ACTN4: variants seen among roughly 807,000 people sequenced by gnomAD.
ACTN4 encodes actinin alpha 4, also known as alpha-actinin-4.
ACTN4 carries 18 observed loss-of-function variants against 114.2 expected under a neutral mutation model. The ratio of observed to expected loss-of-function variants is 0.16; its 90% CI spans 0.11 to 0.23. ACTN4 has a LOEUF of 0.23. ACTN4 is among the 10% of genes least tolerant of loss of function. The pLI, the probability that ACTN4 is intolerant of heterozygous loss-of-function variation, is 1.00. For missense variants in ACTN4, 722 were observed against 1,262.9 expected (o/e 0.57, Z 6.49); for synonymous variants, 515 against 506.3 (o/e 1.02, Z -0.23).
chr19:38,729,630 G>C lies in ACTN4; in HGVS notation c.*198G>C. On this transcript the variant is annotated 3_prime_UTR_variant, in exon 21 of 21. Coordinates refer to ENST00000252699, the MANE Select transcript of ACTN4 (RefSeq NM_004924.6). ...TTGGCCAGGAGGTTCCCCCGACCAG[G>C]TTGGGGAGACTTGGGGCCAGCGCTT... The C allele has an allele frequency of 1.2e-6, 1 of 810,632 alleles. No individual in the cohort carries two copies. The highest frequency in any genetic ancestry group is 2.1e-6 in the Non-Finnish European group (1 of 485,592). 50.2% of individuals were successfully genotyped at this position (810,632 alleles called of 1,614,324 possible).
chr19:38,726,666 T>C (rs535561637), intron 17 of ACTN4, among the ~76,000 whole-genome samples: 2 of 152,174 alleles, frequency 1.3e-5, no homozygotes, highest in Non-Finnish European at 2.9e-5. Context: ...TGAGAGCCAG[T>C]GGTGAGACAC....
At chr19:38,686,254 A>G (rs774072099) in intron 1 of ACTN4, among the ~76,000 whole-genome samples, 1 of 152,226 alleles carries the variant, frequency 6.6e-6, no homozygotes, top group Non-Finnish European at 1.5e-5. Context: ...CGTTAATTCT[A>G]AAGACTGGGC....
rs1318123560 is a variant in ACTN4 at position 38,729,525 on chromosome 19, A to C, written c.*93A>C. The C allele has an allele frequency of 1.5e-6, 1 of 685,524 alleles. No individual in the cohort carries two copies. Among genetic ancestry groups the C allele is most frequent in the African/African-American group, 2.4e-5 (1 of 42,268 alleles). 42.5% of individuals were successfully genotyped at this position (685,524 alleles called of 1,614,324 possible). On this transcript the variant is annotated 3_prime_UTR_variant, in exon 21 of 21. Transcript: ENST00000252699. ...ATTCCTCCACTCTGTATCTATGCAA[A>C]GCACTCTCTGCAGTCCTCCGGGGTG...
In ACTN4 at chr19:38,727,862, C is replaced by G; in HGVS notation, c.2338-84C>G. ...TCCCTCCCCTACGTGTCCCTTCCCC[C>G]TGCCCTCTGCATGTGACCCCGATCC... On this transcript the variant is annotated intron_variant, in intron 18 of 20. Coordinates refer to ENST00000252699, the MANE Select transcript of ACTN4 (RefSeq NM_004924.6). This position sits in a 1 kb window ranked among gnomAD's most constrained non-coding sequence, Gnocchi z 5.4. The G allele has an allele frequency of 1.5e-6, 2 of 1,316,576 alleles. No individual in the cohort carries two copies. Among genetic ancestry groups the G allele is most frequent in the Non-Finnish European group, 2.2e-6 (2 of 924,996 alleles). The allele number at this position is 1,316,576 out of a possible 1,614,324, so 81.6% of individuals were successfully genotyped here.
intron 1 of ACTN4, among the ~76,000 whole-genome samples, chr19:38,697,065 G>A (rs1455135288): frequency 6.6e-6 from 1 of 152,248 alleles, no homozygotes; most frequent in African/African-American, 2.4e-5. Context: ...TGAGGCCTCA[G>A]TGGCAGAAGC....
intron 12 of ACTN4, among the ~76,000 whole-genome samples, chr19:38,722,856 GC>G (rs768780432): frequency 5.8e-4 from 88 of 152,314 alleles, no homozygotes; most frequent in Admixed American, 5.9e-4. Flanking sequence ...TCAGGAACAG[GC>G]GGTCCCCGAA....
chr19:38,699,827 G>A (rs1053913459), intron 1 of ACTN4, among the ~76,000 whole-genome samples: 1 of 152,120 alleles, frequency 6.6e-6, no homozygotes, highest in Non-Finnish European at 1.5e-5. Flanking sequence ...AGAGGGACGG[G>A]GGCATCTTGC....
At chr19:38,711,220 C>G (rs1968639329) in intron 8 of ACTN4, 1 of 920,644 alleles carries the variant, frequency 1.1e-6, no homozygotes, top group Non-Finnish European at 1.3e-6. Context: ...GGCCGCCCTC[C>G]CTGCGTCTTT....
At chr19:38,719,077 A>G (rs1968945358) in intron 11 of ACTN4, among the ~76,000 whole-genome samples, 1 of 152,176 alleles carries the variant, frequency 6.6e-6, no homozygotes, top group South Asian at 2.1e-4. Flanking sequence ...TGTTCTCGGC[A>G]GCCCTGCAGC....
intron 19 of ACTN4, chr19:38,728,417 C>CTCCTCT: frequency 2.6e-6 from 2 of 780,264 alleles, no homozygotes; most frequent in Non-Finnish European, 3.4e-6. Flanking sequence ...CCCGCTCCTC[C>CTCCTCT]TCCTCCTCCT....
At chr19:38,694,385 G>C (rs543016398) in intron 1 of ACTN4, among the ~76,000 whole-genome samples, 1 of 151,756 alleles carries the variant, frequency 6.6e-6, no homozygotes, top group South Asian at 2.1e-4. Flanking sequence ...TCAGCTTCCC[G>C]AGTAGCTGGG....
At chr19:38,725,936 C>T in intron 17 of ACTN4, 33 bp downstream of exon 17, 1 of 1,611,960 alleles carries the variant, frequency 6.2e-7, no homozygotes, top group Non-Finnish European at 8.5e-7. Flanking sequence ...GGCCTTTCCA[C>T]CAGCATGGCC....
Position 38,729,639 on chromosome 19 carries a change from A to T in ACTN4, c.*207A>T, listed in dbSNP as rs747464402. ...AGGTTCCCCCGACCAGGTTGGGGAGACTTGGGGCCAGCGCTTCTGGTCTGG... is the reference window on the plus strand; with the variant it reads ...AGGTTCCCCCGACCAGGTTGGGGAGTCTTGGGGCCAGCGCTTCTGGTCTGG... On this transcript the variant is annotated 3_prime_UTR_variant, in exon 21 of 21. Coordinates refer to ENST00000252699, the MANE Select transcript of ACTN4 (RefSeq NM_004924.6). The T allele has an allele frequency of 3.9e-4, 294 of 760,394 alleles. 1 individual carries two copies. The highest frequency in any genetic ancestry group is 1.4e-3 in the Admixed American group (72 of 49,924). The allele number at this position is 760,394 out of a possible 1,614,324, so 47.1% of individuals were successfully genotyped here.
intron 1 of ACTN4, among the ~76,000 whole-genome samples, chr19:38,649,670 C>CA (rs1286782761): frequency 6.6e-6 from 1 of 151,930 alleles, no homozygotes; most frequent in East Asian, 1.9e-4. Context: ...GAACAGGCTA[C>CA]AGGGCTTTGA....
At chr19:38,678,811 C>T (rs1214600390) in intron 1 of ACTN4, among the ~76,000 whole-genome samples, 3 of 152,118 alleles carry the variant, frequency 2.0e-5, no homozygotes, top group Non-Finnish European at 2.9e-5. Flanking sequence ...TCGCTCTGTT[C>T]GGAGACAAAA....
At chr19:38,664,750 G>A (rs1408328085) in intron 1 of ACTN4, among the ~76,000 whole-genome samples, 2 of 152,142 alleles carry the variant, frequency 1.3e-5, no homozygotes, top group Non-Finnish European at 2.9e-5. Context: ...TAAGACTTCC[G>A]GGGAGGCCCT....
intron 1 of ACTN4, among the ~76,000 whole-genome samples, chr19:38,659,921 C>CT (rs3033328): frequency 0.28 from 37,569 of 131,896 alleles, 6,116 homozygotes; most frequent in Middle Eastern, 0.45. Context: ...TCTATATGAT[C>CT]TTTTTTTTTT....
At position 38,728,962 on chromosome 19, in the gene ACTN4, G is replaced by C. The variant is rs543294205; in HGVS notation, c.2419-34G>C. 3 of 1,611,468 alleles carry C rather than the reference G, an allele frequency of 1.9e-6. No homozygotes were observed. In the African/African-American group the frequency reaches 4.0e-5, roughly 21 times the overall value. On this transcript the variant is annotated intron_variant, in intron 19 of 20. Coordinates refer to ENST00000252699, the MANE Select transcript of ACTN4 (RefSeq NM_004924.6). ...CCTGGCTGCCCCTGCCCCACTAAAT[G>C]TCGGGTGTCCCCCACCCCACCCTCT...
chr19:38,700,859 G>A, intron 2 of ACTN4, 143 bp from the exon 3 acceptor site: 1 of 1,396,300 alleles, frequency 7.2e-7, no homozygotes, highest in Non-Finnish European at 9.9e-7. Context: ...GGTCTGATGG[G>A]TGGGGCCAGA....
Sources: allele counts gnomAD v4.1 joint callset (sites outside exome capture counted in the v4.1 genomes callset), GRCh38; gene constraint gnomAD v4.1.1; non-coding constraint Gnocchi (gnomAD v3.1); transcripts MANE v1.5; gene names NCBI Gene and HGNC (gene_info 2026-07-23, HGNC 2026-07-21).